KLRF2: variants seen among roughly 807,000 people sequenced by gnomAD.
KLRF2 encodes the protein killer cell lectin-like receptor subfamily F member 2.
Under a neutral mutation model 25.3 loss-of-function variants are expected in KLRF2, and 28 were observed. The observed-to-expected ratio is 1.11, with a 90% CI of 0.82 to 1.52. The LOEUF (loss-of-function observed/expected upper bound fraction) is 1.52. Among genes scored for constraint, KLRF2 ranks in the 40% most tolerant of loss-of-function variants. The pLI, the probability that KLRF2 is intolerant of heterozygous loss-of-function variation, is 0.00. For synonymous variants in KLRF2, 73 were observed against 85.0 expected (o/e 0.86, Z 0.78); for missense variants, 265 against 245.8 (o/e 1.08, Z -0.52).
rs1461797738 is a variant in KLRF2, at chr12:9,884,944, A to G, written c.81A>G (p.Leu27=). The G allele has an allele frequency of 8.3e-6, 10 of 1,198,702 alleles. No individual in the cohort carries two copies. Among genetic ancestry groups the G allele is most frequent in the Admixed American group, 3.1e-5 (1 of 32,046 alleles). 74.3% of individuals were successfully genotyped at this position (1,198,702 alleles called of 1,614,324 possible). ...KSKQKSKDFS[L]YPQYYCLLLI... is the part of the protein sequence containing the mutation. ...AATTCAACATTTCAGATTTCTCCCT[A>G]TATCCACAATATTATTGTCTTCTGC... The change falls in exon 2 of 6, where the codon CTA becomes CTG. Residue 27 remains leucine, a synonymous_variant. Transcript: ENST00000535540.
At chr12:9,888,566 G>A (rs1260305454) in intron 2 of KLRF2, among the ~76,000 whole-genome samples, 167 bp from the exon 3 acceptor site, 4 of 152,098 alleles carry the variant, frequency 2.6e-5, no homozygotes, top group East Asian at 1.9e-4. Flanking sequence ...CAGATATGGC[G>A]AAACGTAGTT....
chr12:9,889,010 G>A (rs1862639801), intron 3 of KLRF2, among the ~76,000 whole-genome samples: 2 of 152,132 alleles, frequency 1.3e-5, no homozygotes, highest in South Asian at 4.1e-4. Context: ...GTTTTAGTGA[G>A]TCAACAACAG....
chr12:9,894,083 CT>C (rs1048274675), intron 5 of KLRF2, among the ~76,000 whole-genome samples: 60 of 149,382 alleles, frequency 4.0e-4, no homozygotes, highest in African/African-American at 1.5e-3. Flanking sequence ...CTCTTTCTCT[CT>C]TCTTCTTTCT....
chr12:9,888,212 C>G (rs530789792), intron 2 of KLRF2, among the ~76,000 whole-genome samples: 2 of 151,670 alleles, frequency 1.3e-5, no homozygotes, highest in East Asian at 3.9e-4. Flanking sequence ...AATTGCAGGC[C>G]GGGCATGGTG....
chr12:9,894,686 C>T (rs1206757809), intron 5 of KLRF2, among the ~76,000 whole-genome samples: 1 of 152,112 alleles, frequency 6.6e-6, no homozygotes, highest in Non-Finnish European at 1.5e-5. Context: ...GCCATGGAGT[C>T]ATAGTTCATT....
Position 9,885,037 on chromosome 12 carries a change from G to A in KLRF2, c.169+5G>A. ...GGATTGACCTGAAGTTCTGGCGTGAGTAGTAAATTTTTATTTATTTGAACA... is the reference window on the plus strand; with the variant it reads ...GGATTGACCTGAAGTTCTGGCGTGAATAGTAAATTTTTATTTATTTGAACA... On this transcript the variant is annotated splice_donor_5th_base_variant and intron_variant, in intron 2 of 5. Transcript: ENST00000535540. 8.7e-7 allele frequency: 1 copy of A among 1,148,492 alleles called. No homozygotes were observed. Among genetic ancestry groups the A allele is most frequent in the Non-Finnish European group, 1.1e-6 (1 of 892,500 alleles). 71.1% of individuals were successfully genotyped at this position (1,148,492 alleles called of 1,614,324 possible).
chr12:9,885,503 C>A (rs16908276), intron 2 of KLRF2, among the ~76,000 whole-genome samples: 6,655 of 151,798 alleles, frequency 0.044, 222 homozygotes, highest in African/African-American at 0.087. Context: ...GCTGTGAGCT[C>A]AAATGAGTAG....
At chr12:9,895,524 G>A (rs1391578144) in intron 5 of KLRF2, among the ~76,000 whole-genome samples, 165 bp from the exon 6 acceptor site, 1 of 152,242 alleles carries the variant, frequency 6.6e-6, no homozygotes, top group Non-Finnish European at 1.5e-5. Flanking sequence ...ACCAAGATAG[G>A]AAAGAGGAGA....
intron 3 of KLRF2, 53 bp downstream of exon 3, chr12:9,888,833 G>C (rs1420592353): frequency 1.8e-6 from 2 of 1,109,942 alleles, no homozygotes; most frequent in African/African-American, 3.1e-5. Flanking sequence ...ATTTAGTTTT[G>C]GCTTCCCTCT....
chr12:9,889,242 G>A (rs1045342182), intron 3 of KLRF2, among the ~76,000 whole-genome samples: 1 of 152,184 alleles, frequency 6.6e-6, no homozygotes, highest in Admixed American at 6.5e-5. Flanking sequence ...TAATAACTGT[G>A]TCACAGAATA....
intron 5 of KLRF2, among the ~76,000 whole-genome samples, chr12:9,894,562 G>C (rs1272111609): frequency 1.3e-5 from 2 of 152,168 alleles, no homozygotes; most frequent in African/African-American, 4.8e-5. Context: ...ATGAGGTGTT[G>C]CATGTAAGAG....
chr12:9,884,920 A>G lies in KLRF2; in HGVS notation c.71-14A>G. The G allele has an allele frequency of 1.1e-6, 1 of 927,352 alleles. No individual in the cohort carries two copies. The highest frequency in any genetic ancestry group is 1.5e-6 in the Non-Finnish European group (1 of 670,088). 57.4% of individuals were successfully genotyped at this position (927,352 alleles called of 1,614,324 possible). A position where few individuals can be genotyped will look rare whatever the true frequency, so the allele number is the denominator to read the frequency against. ...AGTGAATAATCACAAGAATTCTAAA[A>G]TTCAACATTTCAGATTTCTCCCTAT... On this transcript the variant is annotated splice_polypyrimidine_tract_variant and intron_variant, in intron 1 of 5. Coordinates refer to ENST00000535540, the MANE Select transcript of KLRF2 (RefSeq NM_001190765.1).
chr12:9,888,608 G>A, intron 2 of KLRF2, 125 bp from the exon 3 acceptor site: 2 of 573,482 alleles, frequency 3.5e-6, no homozygotes, highest in Non-Finnish European at 6.2e-6. Flanking sequence ...TGGATGCATA[G>A]GAGAAGAGAA....
chr12:9,882,034 A>C (rs1868099953), intron 1 of KLRF2, among the ~76,000 whole-genome samples: 1 of 151,954 alleles, frequency 6.6e-6, no homozygotes, highest in South Asian at 2.1e-4. Flanking sequence ...ATGCTTATAC[A>C]TATATAATAT....
At position 9,884,384 on chromosome 12, in the gene KLRF2, T is replaced by A. The variant is rs150286912; in HGVS notation, c.71-550T>A. Among the ~76,000 whole-genome samples the A allele has an allele frequency of 2.4e-3, 358 of 151,822 alleles. 3 individuals carry two copies. Among genetic ancestry groups the A allele is most frequent in the African/African-American group, 8.1e-3 (335 of 41,496 alleles). On this transcript the variant is annotated intron_variant, in intron 1 of 5. Transcript: ENST00000535540. ...CCAGAAAAATATAATATATTACAGGTGTAAGGTGAAATAAAATGTGGATAT... is the reference window on the plus strand; with the variant it reads ...CCAGAAAAATATAATATATTACAGGAGTAAGGTGAAATAAAATGTGGATAT...
intron 3 of KLRF2, 87 bp from the exon 4 acceptor site, chr12:9,892,933 A>G: frequency 3.5e-6 from 4 of 1,154,360 alleles, no homozygotes; most frequent in Non-Finnish European, 4.7e-6. Context: ...GGAAAAATCT[A>G]TTTTCCAAGT....
rs769462281 is a variant in KLRF2 at position 9,895,693 on chromosome 12, T to G, written c.484T>G (p.Ser162Ala). 218 of 1,527,232 alleles carry G rather than the reference T, an allele frequency of 1.4e-4. No homozygotes were observed. The highest frequency in any genetic ancestry group is 1.8e-4 in the Non-Finnish European group (210 of 1,144,404). 94.6% of individuals were successfully genotyped at this position (1,527,232 alleles called of 1,614,324 possible). A position where few individuals can be genotyped will look rare whatever the true frequency, so the allele number is the denominator to read the frequency against. ...DEHFLVPELFSVIGPTDDRSC... is the reference protein window; with the variant it reads ...DEHFLVPELFAVIGPTDDRSC... ...AATCTGTCCTTTGTCTCTTAGGTTT[T>G]CAGTGATTGGACCAACTGATGACAG... is the stretch of plus-strand genomic sequence containing the variant. Residue 162 changes from serine (S) to alanine (A), a missense_variant, in exon 6 of 6, where the codon TCA (serine) becomes GCA (alanine). Coordinates refer to ENST00000535540, the MANE Select transcript of KLRF2 (RefSeq NM_001190765.1).
chr12:9,890,598 T>A (rs1162515149), intron 3 of KLRF2, among the ~76,000 whole-genome samples: 5 of 152,204 alleles, frequency 3.3e-5, no homozygotes, highest in Admixed American at 3.3e-4. Context: ...ACAGGAGTTA[T>A]CTCTCTCTTC....
chr12:9,894,716 A>T (rs959888434), intron 5 of KLRF2, among the ~76,000 whole-genome samples: 33 of 152,132 alleles, frequency 2.2e-4, no homozygotes, highest in African/African-American at 7.7e-4. Context: ...ATATTTATCT[A>T]CTCCTGGATA....
Sources: gnomAD v4.1 joint callset for allele counts (sites outside exome capture counted in the v4.1 genomes callset) on GRCh38, gnomAD v4.1.1 for gene constraint, MANE v1.5 for transcripts, NCBI Gene and HGNC (gene_info 2026-07-23, HGNC 2026-07-21) for gene names.